AKAP9: variants seen among roughly 807,000 people sequenced by gnomAD.
AKAP9 encodes the protein A-kinase anchor protein 9.
In AKAP9, 311 loss-of-function variants were observed where a neutral mutation model predicts 488.5. That is an observed-to-expected ratio of 0.64 (90% CI 0.58 to 0.70). The LOEUF is 0.70. Among genes scored for constraint, AKAP9 ranks in the 30% least tolerant of loss-of-function variants. The pLI is 0.00. For missense variants in AKAP9, 4,215 were observed against 4,374.5 expected (o/e 0.96, Z 1.03); for synonymous variants, 1,462 against 1,483.5 (o/e 0.99, Z 0.33).
intron 3 of AKAP9, among the ~76,000 whole-genome samples, chr7:91,985,207 T>A (rs1382654465): frequency 6.6e-6 from 1 of 152,226 alleles, no homozygotes; most frequent in Non-Finnish European, 1.5e-5. Context: ...TCAAAGGGAA[T>A]GCTTCCAGTT....
Position 92,022,874 on chromosome 7 carries a change from A to G in AKAP9, c.4013A>G (p.Glu1338Gly). 1.2e-6 allele frequency: 2 copies of G among 1,610,894 alleles called. No individual in the cohort carries two copies. Among genetic ancestry groups the G allele is most frequent in the South Asian group, 2.2e-5 (2 of 91,006 alleles). Residue 1338 changes from glutamate to glycine, a missense_variant, in exon 14 of 50, where the codon GAA (glutamate) becomes GGA (glycine). Around this residue, in one of 5 missense-constraint regions of AKAP9, gnomAD observed 2,361 missense variants for 2,430.0 expected, o/e 0.97. Transcript: ENST00000356239. The stretch of plus-strand genomic sequence containing the variant: ...GATCTTGAAAAAACTAAACTTGAAG[A>G]ACAAGTTCAAGAATTAGAAAGCCTC... ...LQDLEKTKLE[E>G]QVQELESLIS...
chr7:92,053,510 T>A (rs1808318977), intron 22 of AKAP9, among the ~76,000 whole-genome samples: 1 of 152,186 alleles, frequency 6.6e-6, no homozygotes, highest in Admixed American at 6.5e-5. Context: ...CAGTCAAGCA[T>A]GTGGGCTCCT....
At chr7:92,061,001 G>T (rs1300770807) in intron 22 of AKAP9, among the ~76,000 whole-genome samples, 2 of 152,078 alleles carry the variant, frequency 1.3e-5, no homozygotes, top group South Asian at 4.1e-4. Context: ...AAAGTGGTTT[G>T]TATCCAAAAG....
chr7:91,955,218 A>C (rs1168907684), intron 1 of AKAP9, among the ~76,000 whole-genome samples: 5 of 152,174 alleles, frequency 3.3e-5, no homozygotes, highest in African/African-American at 1.2e-4. Context: ...AGAAGCTATG[A>C]GCACTGACCA....
At position 92,097,859 on chromosome 7, in the gene AKAP9, T is replaced by C. The variant is rs534542295; in HGVS notation, c.10607+65T>C. ...TTAGGCTGGGTAGACCCCATGCCTC[T>C]GGGACAGCTAGCCAAGGGTGGGGAA... On this transcript the variant is annotated intron_variant, in intron 42 of 49. Coordinates refer to ENST00000356239, the MANE Select transcript of AKAP9 (RefSeq NM_005751.5). 2.9e-5 allele frequency: 43 copies of C among 1,495,736 alleles called. 1 individual carries two copies. The South Asian group carries it at 4.7e-4, about 16-fold the overall frequency. 92.7% of individuals were successfully genotyped at this position (1,495,736 alleles called of 1,614,324 possible).
chr7:91,993,044 G>C lies in AKAP9; in HGVS notation c.565G>C (p.Gly189Arg). 2 of 1,614,000 alleles carry C rather than the reference G, an allele frequency of 1.2e-6. No individual in the cohort carries two copies. The highest frequency in any genetic ancestry group is 1.7e-6 in the Non-Finnish European group (2 of 1,179,928). Residue 189 changes from glycine (G) to arginine (R), a missense_variant, in exon 5 of 50, where the codon GGA becomes CGA. By Grantham distance (125) the Gly-to-Arg change is moderately radical. Transcript: ENST00000356239. ...AATGAGGGTTACCTATGGGACTGAAGGACTGCAGCAGGTATGTTTATTTTC... is the reference window on the plus strand; with the variant it reads ...AATGAGGGTTACCTATGGGACTGAACGACTGCAGCAGGTATGTTTATTTTC... ...EEMRVTYGTE[G>R]LQQLQEFEAA... is the part of the protein sequence containing the mutation.
rs527440901 is a variant in AKAP9 at position 91,961,455 on chromosome 7, G to C, written c.49-12256G>C. 7.4e-4 allele frequency among the ~76,000 whole-genome samples: 112 copies of C among 151,892 alleles called. 2 individuals carry two copies. Among genetic ancestry groups the C allele is most frequent in the South Asian group, 5.6e-3 (27 of 4,802 alleles). On this transcript the variant is annotated intron_variant, in intron 1 of 49. Transcript: ENST00000356239. ...AGCCTCCCGAACTGCAGGGATTACA[G>C]GTGTGAGTCACCACACCTGGCCAAA... is the stretch of plus-strand genomic sequence containing the variant.
At chr7:91,950,712 C>A (rs959980829) in intron 1 of AKAP9, among the ~76,000 whole-genome samples, 2 of 152,102 alleles carry the variant, frequency 1.3e-5, no homozygotes, top group Non-Finnish European at 2.9e-5. Context: ...TTAATTCTTA[C>A]GCCGTTTATA....
intron 26 of AKAP9, among the ~76,000 whole-genome samples, chr7:92,069,050 T>C (rs1217180817): frequency 6.6e-6 from 1 of 152,188 alleles, no homozygotes; most frequent in Non-Finnish European, 1.5e-5. Context: ...CATCATTATT[T>C]TGGTTAAAGG....
In AKAP9 at chr7:91,961,841, C is replaced by T. The variant is rs569416124; in HGVS notation, c.49-11870C>T. Among the ~76,000 whole-genome samples, 15 of 150,214 alleles carry T rather than the reference C, an allele frequency of 1.0e-4. No homozygotes were observed. In the East Asian group the frequency reaches 2.2e-3, roughly 22 times the overall value. ...CCTGGGCAACAGAGTGAGACTCCGT[C>T]TCAAAAAAAAAAAATCTTGAGTTTA... On this transcript the variant is annotated intron_variant, in intron 1 of 49. Coordinates refer to ENST00000356239, the MANE Select transcript of AKAP9 (RefSeq NM_005751.5).
chr7:92,028,361 G>T (rs1803670251), intron 14 of AKAP9, among the ~76,000 whole-genome samples: 1 of 143,082 alleles, frequency 7.0e-6, no homozygotes, highest in South Asian at 2.3e-4. Flanking sequence ...ACTTTTTGGA[G>T]TTTAGATCAT....
intron 3 of AKAP9, among the ~76,000 whole-genome samples, chr7:91,982,665 T>A (rs1362628181): frequency 1.3e-5 from 2 of 152,218 alleles, no homozygotes; most frequent in East Asian, 1.9e-4. Context: ...TGTGCATATG[T>A]CTTTATAGTA....
At position 92,083,656 on chromosome 7, in the gene AKAP9, G is replaced by T; in HGVS notation, c.8646+1G>T. ...GATACAGTGTCTGAGAAGTAAAGAG[G>T]TATTTGGTTTTTATAATATGTGTTT... On this transcript the variant is annotated splice_donor_variant, in intron 33 of 49. Coordinates refer to ENST00000356239, the MANE Select transcript of AKAP9 (RefSeq NM_005751.5). LOFTEE classifies it high-confidence loss of function. 1 of 1,610,450 alleles carries T rather than the reference G, an allele frequency of 6.2e-7. No homozygotes were observed. Among genetic ancestry groups the T allele is most frequent in the South Asian group, 1.1e-5 (1 of 89,994 alleles).
chr7:92,001,429 TACTA>T lies in AKAP9; in HGVS notation c.1516_1519del (p.Asn506LeufsTer10). ...ATGAACTGAATATAAAATTGCAAGATACTAACTCTCAAAAGGAAAAACTCAAGGA... is the reference window on the plus strand; with the variant it reads ...ATGAACTGAATATAAAATTGCAAGATACTCTCAAAAGGAAAAACTCAAGGA... On this transcript the variant is annotated frameshift_variant, in exon 8 of 50. Transcript: ENST00000356239. LOFTEE classifies it high-confidence loss of function. The T allele has an allele frequency of 1.9e-6, 3 of 1,613,822 alleles. No individual in the cohort carries two copies. Among genetic ancestry groups the T allele is most frequent in the Non-Finnish European group, 2.5e-6 (3 of 1,179,814 alleles).
chr7:92,089,379 T>C lies in AKAP9; in HGVS notation c.9214-6T>C, dbSNP rs377532409. On this transcript the variant is annotated splice_region_variant and splice_polypyrimidine_tract_variant and intron_variant, in intron 37 of 49. Coordinates refer to ENST00000356239, the MANE Select transcript of AKAP9 (RefSeq NM_005751.5). The stretch of plus-strand genomic sequence containing the variant: ...TTCACTTGTTTTTTACCTTCCTTTG[T>C]TACAGGGTGTTGAATATCAAGCAGC... 88 of 1,611,400 alleles carry C rather than the reference T, an allele frequency of 5.5e-5. No individual in the cohort carries two copies. In the African/African-American group the frequency reaches 1.1e-3, roughly 21 times the overall value.
At chr7:92,086,450 T>C in intron 37 of AKAP9, 34 bp downstream of exon 37, 2 of 1,527,468 alleles carry the variant, frequency 1.3e-6, no homozygotes, top group Non-Finnish European at 1.8e-6. Flanking sequence ...AACACTTTAA[T>C]AGAAATAAGG....
chr7:92,108,907 C>T, intron 49 of AKAP9: 1 of 499,420 alleles, frequency 2.0e-6, no homozygotes, highest in South Asian at 2.0e-5. Context: ...ACACAAAATG[C>T]ACAATGAGCA....
In AKAP9 at chr7:92,076,972, C is replaced by T. The variant is rs1332713722; in HGVS notation, c.6730C>T (p.Leu2244=). The change falls in exon 29 of 50, where the codon CTA becomes TTA. Residue 2244 remains leucine, a synonymous_variant. Transcript: ENST00000356239. The part of the protein sequence containing the change: ...EIQKKESTTR[L]QELEQENKLF... ...ACAGAAAAAGGAATCTACTACCCGC[C>T]TACAAGAACTTGAACAGGAAAACAA... 5.7e-6 allele frequency: 9 copies of T among 1,577,224 alleles called. No homozygotes were observed. Among genetic ancestry groups the T allele is most frequent in the Non-Finnish European group, 7.8e-6 (9 of 1,156,640 alleles).
Position 92,079,413 on chromosome 7 carries a change from C to T in AKAP9, c.7280C>T (p.Thr2427Ile). Residue 2427 changes from threonine to isoleucine, a missense_variant, in exon 31 of 50, where the codon ACA becomes ATA. Coordinates refer to ENST00000356239, the MANE Select transcript of AKAP9 (RefSeq NM_005751.5). ...ACCAATTTTAAAATGAATCAGCTAA[C>T]ACAGGAATTATTCAGCTTAAAGAGA... Reference protein sequence around the residue: ...KETNFKMNQLTQELFSLKRER... With the variant: ...KETNFKMNQLIQELFSLKRER... 6.2e-7 allele frequency: 1 copy of T among 1,614,012 alleles called. No individual in the cohort carries two copies. Among genetic ancestry groups the T allele is most frequent in the Non-Finnish European group, 8.5e-7 (1 of 1,179,972 alleles).
Sources: gnomAD v4.1 joint callset for allele counts (sites outside exome capture counted in the v4.1 genomes callset) on GRCh38, gnomAD v4.1.1 for gene constraint, gnomAD v4.1.1 regional missense constraint, MANE v1.5 for transcripts, NCBI Gene and HGNC (gene_info 2026-07-23, HGNC 2026-07-21) for gene names.